Variants in PDE1C observed in about 807,000 individuals in gnomAD.
PDE1C encodes phosphodiesterase 1C.
A neutral mutation model predicts 93.1 loss-of-function variants in PDE1C; 62 were observed. The ratio of observed to expected loss-of-function variants is 0.67; its 90% confidence interval spans 0.54 to 0.82. The LOEUF (loss-of-function observed/expected upper bound fraction) is 0.82, where lower values mean the gene tolerates loss of function less well. PDE1C is among the 40% of genes least tolerant of loss of function. The pLI is 0.00. For missense variants in PDE1C, 742 were observed against 884.6 expected (o/e 0.84, Z 2.04); for synonymous variants, 325 against 310.1 (o/e 1.05, Z -0.50).
chr7:32,374,389 G>A (rs1784400463), intron 1 of PDE1C, among the ~76,000 whole-genome samples: 1 of 152,226 alleles, frequency 6.6e-6, no homozygotes, highest in African/African-American at 2.4e-5. Flanking sequence ...GTATGGACAG[G>A]AGTGACACTA....
At chr7:32,041,439 C>T (rs1240027286) in intron 2 of PDE1C, among the ~76,000 whole-genome samples, 1 of 152,098 alleles carries the variant, frequency 6.6e-6, no homozygotes, top group Non-Finnish European at 1.5e-5. Flanking sequence ...CCCCTCTCCT[C>T]GACATCCCAA....
intron 1 of PDE1C, among the ~76,000 whole-genome samples, chr7:32,289,756 C>T (rs1488825738): frequency 6.6e-6 from 1 of 152,130 alleles, no homozygotes; most frequent in African/African-American, 2.4e-5. Flanking sequence ...ATCTATAATG[C>T]TGGTGGTTAC....
chr7:31,638,486 TG>T, the PDE1C span, among the ~76,000 whole-genome samples: 1 of 152,218 alleles, frequency 6.6e-6, no homozygotes, highest in Non-Finnish European at 1.5e-5. Context: ...TCTAGGTTTT[TG>T]TTATAAATCC....
chr7:32,245,283 CTTTG>C (rs1426612889), intron 1 of PDE1C, among the ~76,000 whole-genome samples: 3 of 152,298 alleles, frequency 2.0e-5, no homozygotes, highest in Non-Finnish European at 4.4e-5. Flanking sequence ...CAGCCCTTCT[CTTTG>C]TTTATCTTTA....
intron 3 of PDE1C, among the ~76,000 whole-genome samples, chr7:32,138,694 C>T (rs985553000): frequency 4.6e-5 from 7 of 152,088 alleles, no homozygotes; most frequent in Non-Finnish European, 8.8e-5. Context: ...AAACTCACTG[C>T]AAATGTAGTT....
chr7:32,249,508 C>A (rs1476513126), intron 1 of PDE1C, among the ~76,000 whole-genome samples: 2 of 152,130 alleles, frequency 1.3e-5, no homozygotes, highest in Non-Finnish European at 2.9e-5. Flanking sequence ...ACCAGGCTAA[C>A]TCAGTAAAAA....
At chr7:31,936,411 A>C (rs543831680) in intron 2 of PDE1C, among the ~76,000 whole-genome samples, 22 of 151,666 alleles carry the variant, frequency 1.5e-4, no homozygotes, top group African/African-American at 5.3e-4. Context: ...TGGTATTCTA[A>C]GCTCATTCCT....
chr7:32,120,457 C>T (rs1370157551), intron 3 of PDE1C, among the ~76,000 whole-genome samples: 2 of 152,166 alleles, frequency 1.3e-5, no homozygotes, highest in Non-Finnish European at 2.9e-5. Context: ...TTGTCAGACA[C>T]CCTATACGAG....
chr7:32,028,277 A>G (rs1563216996), intron 2 of PDE1C, among the ~76,000 whole-genome samples: 1 of 152,106 alleles, frequency 6.6e-6, no homozygotes, highest in Non-Finnish European at 1.5e-5. Context: ...GCAGATCTAG[A>G]CTTCCAGTGT....
chr7:32,153,635 CTGAGT>C (rs1490932445), intron 3 of PDE1C, among the ~76,000 whole-genome samples: 4 of 152,166 alleles, frequency 2.6e-5, no homozygotes, highest in Non-Finnish European at 5.9e-5. Flanking sequence ...ACTATGCAGC[CTGAGT>C]TAAGAATCAG....
chr7:31,823,325 G>GTGCTAACCATTCCTCCTCT, intron 13 of PDE1C, 77 bp from the exon 14 acceptor site: 1 of 1,215,918 alleles, frequency 8.2e-7, no homozygotes, highest in Non-Finnish European at 1.2e-6. Flanking sequence ...GCCCAGAGGA[G>GTGCTAACCATTCCTCCTCT]GAATGGTTAG....
At chr7:32,119,956 G>A (rs1282369666) in intron 3 of PDE1C, among the ~76,000 whole-genome samples, 1 of 152,228 alleles carries the variant, frequency 6.6e-6, no homozygotes, top group Non-Finnish European at 1.5e-5. Context: ...GCCACAGCCA[G>A]CACTGGGACT....
chr7:31,643,828 C>T, the PDE1C span: 1 of 1,613,934 alleles, frequency 6.2e-7, no homozygotes, highest in Non-Finnish European at 8.5e-7. Context: ...CGGGGAGAGG[C>T]AAAGCCCTGG....
intron 2 of PDE1C, among the ~76,000 whole-genome samples, chr7:32,180,621 G>A (rs1279705867): frequency 6.6e-6 from 1 of 152,058 alleles, no homozygotes; most frequent in African/African-American, 2.4e-5. Context: ...CCTTGATCTT[G>A]GATATTCATT....
rs571905091 is a variant in PDE1C, at chr7:31,817,419, T to C, written c.1583-1265A>G. ...CTTAGTGATAGATGACGTGGTCAAA[T>C]GACCAAGGACAAGCAGGGTTCAGAT... On this transcript the variant is annotated intron_variant, in intron 14 of 17. Transcript: ENST00000396191. 2.6e-5 allele frequency among the ~76,000 whole-genome samples: 4 copies of C among 152,246 alleles called. No individual in the cohort carries two copies. The East Asian group carries it at 7.7e-4, about 29-fold the overall frequency.
intron 1 of PDE1C, among the ~76,000 whole-genome samples, chr7:32,389,609 G>T (rs1426024000): frequency 6.6e-6 from 1 of 152,174 alleles, no homozygotes; most frequent in Admixed American, 6.5e-5. Flanking sequence ...CAATCCAGGT[G>T]GGTTGCATAC....
chr7:31,656,541 A>T, the PDE1C span: 2 of 924,224 alleles, frequency 2.2e-6, no homozygotes, highest in Non-Finnish European at 2.6e-6. Flanking sequence ...ACTGTTAGCA[A>T]AGTACTTTAT....
chr7:31,843,364 T>C (rs1231196475), intron 9 of PDE1C, among the ~76,000 whole-genome samples: 1 of 151,986 alleles, frequency 6.6e-6, no homozygotes, highest in Non-Finnish European at 1.5e-5. Context: ...TTACATTTTA[T>C]GTTTTGGAAG....
At chr7:31,839,022 TTA>T (rs959677081) in intron 9 of PDE1C, among the ~76,000 whole-genome samples, 13 of 148,318 alleles carry the variant, frequency 8.8e-5, no homozygotes, top group African/African-American at 2.9e-4. Flanking sequence ...ATTTCAATAT[TTA>T]TATATTATAT....
Sources: allele counts gnomAD v4.1 joint callset (sites outside exome capture counted in the v4.1 genomes callset), GRCh38; gene constraint gnomAD v4.1.1; transcripts MANE v1.5; gene names NCBI Gene and HGNC (gene_info 2026-07-23, HGNC 2026-07-21).